STPG2: variants seen among roughly 807,000 people sequenced by gnomAD.
The protein encoded by STPG2 is sperm tail PG-rich repeat containing 2, also known as sperm-tail PG-rich repeat-containing protein 2.
STPG2 carries 56 observed loss-of-function variants against 54.2 expected under a neutral mutation model. The ratio of observed to expected loss-of-function variants is 1.03; its 90% confidence interval spans 0.83 to 1.29. STPG2 has a LOEUF of 1.29. Among genes scored for constraint, STPG2 ranks in the 50% most tolerant of loss-of-function variants. The pLI is 0.00. For synonymous variants in STPG2, 200 were observed against 181.8 expected (o/e 1.10, Z -0.81); for missense variants, 596 against 544.9 (o/e 1.09, Z -0.93).
At chr4:97,896,388 C>T (rs528634292) in intron 8 of STPG2, among the ~76,000 whole-genome samples, 1 of 151,750 alleles carries the variant, frequency 6.6e-6, no homozygotes, top group East Asian at 1.9e-4. Context: ...TAACTTAGAA[C>T]ACAAATGGAA....
Position 98,031,845 on chromosome 4 carries a change from A to G in STPG2, c.613-50527T>C, listed in dbSNP as rs145481715. 5.3e-5 allele frequency among the ~76,000 whole-genome samples: 8 copies of G among 152,342 alleles called. No individual in the cohort carries two copies. The East Asian group carries it at 1.5e-3, about 29-fold the overall frequency. ...GACAGAGGACTAATATGCAGAATCT[A>G]CAAAGAAAACAAACAAGTCAGTAAG... On this transcript the variant is annotated intron_variant, in intron 5 of 10. Coordinates refer to ENST00000295268, the MANE Select transcript of STPG2 (RefSeq NM_174952.3).
intron 8 of STPG2, among the ~76,000 whole-genome samples, chr4:97,910,881 G>A (rs959114264): frequency 2.0e-5 from 3 of 152,204 alleles, no homozygotes; most frequent in Non-Finnish European, 2.9e-5. Context: ...ATTAGAAGCA[G>A]CTGCGAACTG....
chr4:97,963,620 ACTCC>A (rs1428270446), intron 7 of STPG2, among the ~76,000 whole-genome samples: 3 of 151,978 alleles, frequency 2.0e-5, no homozygotes, highest in Non-Finnish European at 4.4e-5. Flanking sequence ...GCACCATTGC[ACTCC>A]AGCCTGGGCA....
intron 8 of STPG2, among the ~76,000 whole-genome samples, chr4:97,869,944 C>T (rs1377738107): frequency 6.6e-6 from 1 of 151,580 alleles, no homozygotes; most frequent in Non-Finnish European, 1.5e-5. Context: ...GGGTCTTCCA[C>T]TTGCAATTCA....
chr4:98,018,762 T>A lies in STPG2; in HGVS notation c.613-37444A>T, dbSNP rs555213025. 6.6e-5 allele frequency among the ~76,000 whole-genome samples: 10 copies of A among 152,140 alleles called. No individual in the cohort carries two copies. The East Asian group carries it at 1.9e-3, about 29-fold the overall frequency. On this transcript the variant is annotated intron_variant, in intron 5 of 10. Coordinates refer to ENST00000295268, the MANE Select transcript of STPG2 (RefSeq NM_174952.3). ...GTGGTTTTGATTTGCATTTCCCTGATGGCCAGTGATGATGAGCATTTTTTC... is the reference window on the plus strand; with the variant it reads ...GTGGTTTTGATTTGCATTTCCCTGAAGGCCAGTGATGATGAGCATTTTTTC...
intron 8 of STPG2, among the ~76,000 whole-genome samples, chr4:97,885,874 A>G (rs1423079754): frequency 1.3e-5 from 2 of 152,216 alleles, no homozygotes; most frequent in Non-Finnish European, 1.5e-5. Flanking sequence ...CAAGAAAAAT[A>G]CAAAGATAAA....
intron 4 of STPG2, among the ~76,000 whole-genome samples, chr4:97,467,662 A>T (rs190782499): frequency 6.6e-6 from 1 of 151,952 alleles, no homozygotes. Flanking sequence ...CATTATGAGA[A>T]AGTAGGCAAA....
chr4:97,743,581 C>T (rs1578526935), intron 9 of STPG2, among the ~76,000 whole-genome samples: 1 of 151,698 alleles, frequency 6.6e-6, no homozygotes, highest in East Asian at 1.9e-4. Flanking sequence ...AAAGAAGATG[C>T]CATATCTCAT....
At chr4:97,603,078 T>C (rs1733505002) in intron 10 of STPG2, among the ~76,000 whole-genome samples, 1 of 149,030 alleles carries the variant, frequency 6.7e-6, no homozygotes, top group Non-Finnish European at 1.5e-5. Flanking sequence ...TGATAAGGAG[T>C]TTGTGTCCAG....
chr4:97,525,580 A>C (rs1317268783), intron 4 of STPG2, among the ~76,000 whole-genome samples: 4 of 151,990 alleles, frequency 2.6e-5, no homozygotes, highest in African/African-American at 9.7e-5. Context: ...AAATAACAAT[A>C]TCAAGGTATT....
chr4:97,832,149 C>T (rs1728487794), intron 9 of STPG2, among the ~76,000 whole-genome samples: 1 of 152,128 alleles, frequency 6.6e-6, no homozygotes, highest in Admixed American at 6.6e-5. Flanking sequence ...AATCCAGAAG[C>T]ACATCAAAAA....
At chr4:97,635,691 A>C (rs371738467) in intron 10 of STPG2, among the ~76,000 whole-genome samples, 68 of 150,862 alleles carry the variant, frequency 4.5e-4, no homozygotes, top group Middle Eastern at 6.9e-3. Context: ...GGTTGCAATC[A>C]TAGTCTCTGA....
In STPG2 at chr4:97,635,961, G is replaced by A. The variant is rs192707675; in HGVS notation, c.1320+76738C>T. 4.3e-3 allele frequency among the ~76,000 whole-genome samples: 592 copies of A among 138,640 alleles called. 2 individuals carry two copies. Among genetic ancestry groups the A allele is most frequent in the Admixed American group, 6.2e-3 (87 of 13,990 alleles). The allele number at this position is 138,640 out of a possible 152,430, so 91.0% of individuals were successfully genotyped here. On this transcript the variant is annotated intron_variant, in intron 10 of 10. Coordinates refer to ENST00000295268, the MANE Select transcript of STPG2 (RefSeq NM_174952.3). ...ACAGAAAGTCAACAAGGACACCCAGGAATTGAACTCAGCTCTGCACCAAGT... is the reference window on the plus strand; with the variant it reads ...ACAGAAAGTCAACAAGGACACCCAGAAATTGAACTCAGCTCTGCACCAAGT...
chr4:97,995,047 T>C (rs1735157836), intron 5 of STPG2, among the ~76,000 whole-genome samples: 2 of 151,924 alleles, frequency 1.3e-5, no homozygotes, highest in Admixed American at 6.6e-5. Flanking sequence ...ATTATGGTTG[T>C]CTTTGCTGCG....
chr4:97,801,808 C>T (rs540006393), intron 9 of STPG2, among the ~76,000 whole-genome samples: 1 of 152,266 alleles, frequency 6.6e-6, no homozygotes, highest in South Asian at 2.1e-4. Flanking sequence ...TCACTTGCTT[C>T]ACCTTTCCTA....
chr4:98,017,909 A>G (rs573297388), intron 5 of STPG2, among the ~76,000 whole-genome samples: 5 of 152,174 alleles, frequency 3.3e-5, no homozygotes, highest in Non-Finnish European at 7.3e-5. Context: ...CCTTGTGAAG[A>G]AAATACTTGC....
At chr4:97,913,802 T>C (rs1731770211) in intron 8 of STPG2, among the ~76,000 whole-genome samples, 2 of 152,164 alleles carry the variant, frequency 1.3e-5, no homozygotes, top group African/African-American at 4.8e-5. Flanking sequence ...CATAATCTGA[T>C]GCTAAATTTG....
chr4:98,131,853 G>T (rs1400975068), intron 2 of STPG2, among the ~76,000 whole-genome samples: 1 of 152,004 alleles, frequency 6.6e-6, no homozygotes, highest in Non-Finnish European at 1.5e-5. Flanking sequence ...TTGGGATCCA[G>T]ATTCCAACTC....
chr4:97,658,347 G>A (rs1316615636), intron 10 of STPG2, among the ~76,000 whole-genome samples: 7 of 152,168 alleles, frequency 4.6e-5, no homozygotes, highest in African/African-American at 1.7e-4. Context: ...AATATATTAA[G>A]TTCAATTGAA....
Sources: gnomAD v4.1 joint callset for allele counts (sites outside exome capture counted in the v4.1 genomes callset) on GRCh38, gnomAD v4.1.1 for gene constraint, MANE v1.5 for transcripts, NCBI Gene and HGNC (gene_info 2026-07-23, HGNC 2026-07-21) for gene names.